RXRA: variants seen among roughly 807,000 people sequenced by gnomAD.
RXRA encodes the protein retinoid X receptor alpha, also known as retinoic acid receptor RXR-alpha.
RXRA carries 5 observed loss-of-function variants against 44.5 expected under a neutral mutation model. The ratio of observed to expected loss-of-function variants is 0.11; its 90% confidence interval spans 0.06 to 0.24. The LOEUF is 0.24. Among genes scored for constraint, RXRA ranks in the 10% least tolerant of loss-of-function variants. The pLI is 1.00. For synonymous variants in RXRA, 291 were observed against 271.4 expected, an observed-to-expected ratio of 1.07 and a Z score of -0.71; for missense variants, 412 against 646.5, an observed-to-expected ratio of 0.64 and a Z score of 3.93.
chr9:134,429,342 T>C (rs1831491208), intron 7 of RXRA, 102 bp downstream of exon 7: 1 of 1,232,638 alleles, frequency 8.1e-7, no homozygotes, highest in Non-Finnish European at 1.1e-6. Context: ...TGCCTAGTAT[T>C]ATTTCAGTGC....
chr9:134,422,813 TG>T, intron 6 of RXRA: 1 of 985,400 alleles, frequency 1.0e-6, no homozygotes. Context: ...AGAGAGGTAA[TG>T]GGCTGTCGGT....
In RXRA at chr9:134,366,151, C is replaced by T. The variant is rs1830412153; in HGVS notation, c.29-35481C>T. On this transcript the variant is annotated intron_variant, in intron 1 of 9. Transcript: ENST00000481739. This position sits in a 1 kb window ranked among gnomAD's most constrained non-coding sequence, Gnocchi z 5.9. Reference sequence around the variant, plus strand: ...GATGAGAAGCCAAGGCTCAGAGGCACCAGGGCCCCAGTGGGAGGCGGCAGA... The same window carrying T: ...GATGAGAAGCCAAGGCTCAGAGGCATCAGGGCCCCAGTGGGAGGCGGCAGA... Among the ~76,000 whole-genome samples, 1 of 152,106 alleles carries T rather than the reference C, an allele frequency of 6.6e-6. No homozygotes were observed. Among genetic ancestry groups the T allele is most frequent in the Non-Finnish European group, 1.5e-5 (1 of 68,012 alleles).
chr9:134,401,861 C>T lies in RXRA; in HGVS notation c.258C>T (p.Gly86=). 6.2e-7 allele frequency: 1 copy of T among 1,610,456 alleles called. No individual in the cohort carries two copies. The highest frequency in any genetic ancestry group is 8.5e-7 in the Non-Finnish European group (1 of 1,178,230). Residue 86 remains glycine, a synonymous_variant, in exon 2 of 10, where the codon GGC becomes GGT. Transcript: ENST00000481739. ...SMSVPTTPTL[G]FSTGSPQLSS... ...CGGTGCCCACCACACCCACCCTGGG[C>T]TTCAGCACTGGCAGCCCCCAGGTGA...
At chr9:134,422,110 T>C (rs1831346724) in intron 6 of RXRA, 1 of 1,317,668 alleles carries the variant, frequency 7.6e-7, no homozygotes, top group Non-Finnish European at 9.9e-7. Flanking sequence ...TGGGACACAC[T>C]TCTACCTCCC....
At chr9:134,424,557 G>A (rs1019251229) in intron 6 of RXRA, 1 of 985,462 alleles carries the variant, frequency 1.0e-6, no homozygotes, top group Non-Finnish European at 1.2e-6. Context: ...CCTTGGCTGA[G>A]TCACTTACTC....
At chr9:134,354,568 C>T (rs1258684012) in intron 1 of RXRA, among the ~76,000 whole-genome samples, 4 of 152,228 alleles carry the variant, frequency 2.6e-5, no homozygotes, top group South Asian at 2.1e-4. Flanking sequence ...CCCATCAGAT[C>T]GGCAGCCGTG....
intron 7 of RXRA, among the ~76,000 whole-genome samples, chr9:134,431,366 C>T (rs897671641): frequency 3.9e-4 from 59 of 152,294 alleles, no homozygotes; most frequent in South Asian, 1.2e-3. Flanking sequence ...GATTTTTTTT[C>T]TCTGGTGACA....
At chr9:134,415,175 C>G (rs1218900710) in intron 4 of RXRA, among the ~76,000 whole-genome samples, 3 of 152,220 alleles carry the variant, frequency 2.0e-5, no homozygotes, top group Non-Finnish European at 2.9e-5. Flanking sequence ...GCGGAAGTCC[C>G]TCGCTCAAGC....
intron 6 of RXRA, chr9:134,422,285 C>T (rs1171043668): frequency 7.8e-7 from 1 of 1,288,942 alleles, no homozygotes. Context: ...AGGACACACT[C>T]CTACTTCCTG....
intron 1 of RXRA, chr9:134,380,159 G>T (rs1588275277): frequency 1.0e-6 from 1 of 985,352 alleles, no homozygotes; most frequent in African/African-American, 1.7e-5. Context: ...GGCAAGTCAG[G>T]GCAGGTGCGT....
chr9:134,348,672 C>T (rs781930172), intron 1 of RXRA, among the ~76,000 whole-genome samples: 5 of 152,236 alleles, frequency 3.3e-5, no homozygotes, highest in Admixed American at 6.5e-5. Context: ...TCCCGGCCTA[C>T]GTACGCCCTG....
At chr9:134,425,788 C>T in intron 6 of RXRA, 1 of 985,390 alleles carries the variant, frequency 1.0e-6, no homozygotes, top group Non-Finnish European at 1.2e-6. Flanking sequence ...CATCACAAGC[C>T]CCATGGGGAC....
intron 1 of RXRA, among the ~76,000 whole-genome samples, chr9:134,394,021 C>T (rs1830837415): frequency 6.6e-6 from 1 of 151,332 alleles, no homozygotes; most frequent in Admixed American, 6.6e-5. Flanking sequence ...TATGACAAAA[C>T]TTGTCAACCT....
rs1277697702 is a variant in RXRA at position 134,408,330 on chromosome 9, G to T, written c.430+31G>T. 8 of 1,577,540 alleles carry T rather than the reference G, an allele frequency of 5.1e-6. No individual in the cohort carries two copies. The East Asian group carries it at 1.8e-4, about 36-fold the overall frequency. ...GCTGCTGTGGGGGCCAGGGGCTGGT[G>T]GGACAGGGTTGTCAGGCCATTGCAG... On this transcript the variant is annotated intron_variant, in intron 3 of 9. Transcript: ENST00000481739.
rs1831082610 is a variant in RXRA at position 134,407,971 on chromosome 9, G to A, written c.280-178G>A. ...AGCCTCTGCTGGCCTTGCTGAGCAA[G>A]CACAGTGGCCCCGCTGCTCCGGAGC... On this transcript the variant is annotated intron_variant, in intron 2 of 9. Coordinates refer to ENST00000481739, the MANE Select transcript of RXRA (RefSeq NM_002957.6). The surrounding 1 kb of genome is among the most constrained non-coding windows in gnomAD (Gnocchi z 4.8). Among the ~76,000 whole-genome samples the A allele has an allele frequency of 2.0e-5, 3 of 152,030 alleles. No homozygotes were observed. In the South Asian group the frequency reaches 6.2e-4, roughly 32 times the overall value.
chr9:134,392,242 A>G (rs1254984972), intron 1 of RXRA, among the ~76,000 whole-genome samples: 1 of 152,182 alleles, frequency 6.6e-6, no homozygotes, highest in Non-Finnish European at 1.5e-5. Context: ...GGACTCTGCC[A>G]GGACTGGGGC....
chr9:134,410,690 G>A (rs1369099493), intron 4 of RXRA, among the ~76,000 whole-genome samples: 1 of 150,464 alleles, frequency 6.6e-6, no homozygotes, highest in Non-Finnish European at 1.5e-5. Context: ...GTGGAGGCCC[G>A]AGGCGTGGCT....
At chr9:134,388,771 T>G (rs1306149918) in intron 1 of RXRA, among the ~76,000 whole-genome samples, 1 of 152,192 alleles carries the variant, frequency 6.6e-6, no homozygotes, top group East Asian at 1.9e-4. Flanking sequence ...ATGTCCTTCC[T>G]CTGCCTCCTC....
At chr9:134,389,974 C>G (rs929725782) in intron 1 of RXRA, among the ~76,000 whole-genome samples, 1 of 152,204 alleles carries the variant, frequency 6.6e-6, no homozygotes, top group Non-Finnish European at 1.5e-5. Context: ...CTCGTCCCCT[C>G]CTGCTGCCAC....
Sources: gnomAD v4.1 joint callset for allele counts (sites outside exome capture counted in the v4.1 genomes callset) on GRCh38, gnomAD v4.1.1 for gene constraint, Gnocchi (gnomAD v3.1) non-coding constraint, MANE v1.5 for transcripts, NCBI Gene and HGNC (gene_info 2026-07-23, HGNC 2026-07-21) for gene names.